Variants in TUG1 observed in about 807,000 individuals in gnomAD.
TUG1 encodes taurine up-regulated 1.
exon 1 of TUG1, chr22:30,971,133 C>T (rs936041537): frequency 1.3e-5 from 2 of 152,164 alleles, no homozygotes; most frequent in Admixed American, 1.3e-4. Flanking sequence ...AGTGGTACAG[C>T]CCTAAGCAAG....
In TUG1 at chr22:30,972,237, G is replaced by A. The variant is rs2041239024; in HGVS notation, c.*1961+458G>A. 4 of 152,334 alleles carry A rather than the reference G, an allele frequency of 2.6e-5. No homozygotes were observed. In the South Asian group the frequency reaches 8.3e-4, roughly 32 times the overall value. The allele number at this position is 152,334 out of a possible 1,614,324, so 9.4% of individuals were successfully genotyped here. On this transcript the variant is annotated intron_variant, in intron 1 of 2. Transcript: ENST00000644773. ...CTCTTAATGAGGAGAAAAGTCGCTA[G>A]ATATGGATCATGTTTATGTTTTAAT...
At chr22:30,975,562 C>T (rs928757690) in exon 3 of TUG1, 3 of 152,164 alleles carry the variant, frequency 2.0e-5, no homozygotes, top group Admixed American at 2.0e-4. Context: ...GTCTTTGACC[C>T]CAGGAATGAT....
exon 3 of TUG1, chr22:30,977,554 C>A (rs1217522119): frequency 6.6e-6 from 1 of 152,138 alleles, no homozygotes; most frequent in South Asian, 2.1e-4. Flanking sequence ...CCAGAATAAG[C>A]CCTATGGATT....
chr22:30,972,423 G>A (rs1489392474), intron 1 of TUG1: 4 of 152,184 alleles, frequency 2.6e-5, no homozygotes, highest in African/African-American at 9.7e-5. Flanking sequence ...AAAAGGAGAA[G>A]GTCATAAGAC....
chr22:30,977,213 C>T (rs1569213659), exon 3 of TUG1: 1 of 152,172 alleles, frequency 6.6e-6, no homozygotes, highest in Non-Finnish European at 1.5e-5. Context: ...AGTCTGTATA[C>T]TGTCTCCATG....
At chr22:30,974,460 G>T (rs1301054663) in intron 2 of TUG1, 1 of 151,980 alleles carries the variant, frequency 6.6e-6, no homozygotes. Context: ...CCATCTAATG[G>T]AATGCAGAAA....
At chr22:30,972,449 T>C (rs1299525641) in intron 1 of TUG1, 3 of 152,202 alleles carry the variant, frequency 2.0e-5, no homozygotes, top group Non-Finnish European at 4.4e-5. Flanking sequence ...GAGGAAGGCA[T>C]TGGAAGAGGA....
intron 1 of TUG1, 123 bp from the exon 2 acceptor site, chr22:30,972,732 C>G (rs961995284): frequency 3.3e-5 from 5 of 152,846 alleles, no homozygotes; most frequent in African/African-American, 1.2e-4. Flanking sequence ...TTGCCTAAGC[C>G]AGGCTCATCA....
At chr22:30,976,063 T>TAAAAAAAAAA (rs34985621) in exon 3 of TUG1, 1 of 138,746 alleles carries the variant, frequency 7.2e-6, no homozygotes. Flanking sequence ...TAATAAGCTT[T>TAAAAAAAAAA]AAAAAAAAAA....
At chr22:30,977,155 T>G (rs1470710001) in exon 3 of TUG1, 1 of 152,170 alleles carries the variant, frequency 6.6e-6, no homozygotes, top group Admixed American at 6.5e-5. Context: ...ACATTGTATA[T>G]AAGAATTGGT....
exon 1 of TUG1, chr22:30,971,007 C>G (rs767936468): frequency 3.9e-5 from 6 of 152,156 alleles, no homozygotes; most frequent in Non-Finnish European, 8.8e-5. Flanking sequence ...GTTTTTGCTT[C>G]TTTGTTAGTT....
intron 2 of TUG1, chr22:30,974,864 C>T (rs1227355138): frequency 6.6e-6 from 1 of 152,124 alleles, no homozygotes; most frequent in Non-Finnish European, 1.5e-5. Context: ...AGATTTATCT[C>T]CTTGAGATAA....
At chr22:30,976,396 C>T (rs1035802755) in exon 3 of TUG1, 15 of 152,134 alleles carry the variant, frequency 9.9e-5, no homozygotes, top group Admixed American at 8.5e-4. Flanking sequence ...TGGGCATTTC[C>T]GATAGCTTAT....
chr22:30,975,543 G>A (rs2041278574), exon 3 of TUG1: 1 of 152,224 alleles, frequency 6.6e-6, no homozygotes, highest in Non-Finnish European at 1.5e-5. Context: ...AGTGCAAGAA[G>A]ACAGGCATGT....
At chr22:30,976,668 T>G (rs922487677) in exon 3 of TUG1, 3 of 152,214 alleles carry the variant, frequency 2.0e-5, no homozygotes, top group African/African-American at 7.2e-5. Context: ...TTATGAACTC[T>G]CAGACCAGAT....
At chr22:30,977,611 T>TA (rs1377145690) in exon 3 of TUG1, 12 of 152,218 alleles carry the variant, frequency 7.9e-5, no homozygotes, top group Non-Finnish European at 1.5e-4. Flanking sequence ...AACTTCCTTA[T>TA]TGATCTGCTG....
exon 3 of TUG1, chr22:30,979,257 TAGAA>T (rs2041323133): frequency 6.6e-6 from 1 of 152,316 alleles, no homozygotes; most frequent in African/African-American, 2.4e-5. Context: ...TATAAATGCA[TAGAA>T]AGGTCTATTC....
chr22:30,979,363 C>A (rs1265198171), exon 3 of TUG1: 1 of 152,050 alleles, frequency 6.6e-6, no homozygotes, highest in Non-Finnish European at 1.5e-5. Flanking sequence ...TATTTTTAAA[C>A]TTTATTTTAA....
At chr22:30,970,394 A>G (rs1422441612) in exon 1 of TUG1, 2 of 152,218 alleles carry the variant, frequency 1.3e-5, no homozygotes, top group African/African-American at 2.4e-5. Flanking sequence ...CATAATGGAT[A>G]TTCGGGGTTA....
Sources: gnomAD v4.1 joint callset for allele counts on GRCh38, gnomAD v4.1.1 for gene constraint, MANE v1.5 for transcripts, NCBI Gene and HGNC (gene_info 2026-07-23, HGNC 2026-07-21) for gene names.